Variants in DYNC2H1 observed in about 807,000 individuals in gnomAD.
DYNC2H1 encodes dynein cytoplasmic 2 heavy chain 1, also known as cytoplasmic dynein 2 heavy chain 1.
A neutral mutation model predicts 570.0 loss-of-function variants in DYNC2H1; 410 were observed. The ratio of observed to expected loss-of-function variants is 0.72; its 90% CI spans 0.66 to 0.78. The LOEUF (loss-of-function observed/expected upper bound fraction) is 0.78. DYNC2H1 is among the 30% of genes least tolerant of loss of function. DYNC2H1 has a pLI of 0.00. For synonymous variants in DYNC2H1, 1,688 were observed against 1,677.6 expected (o/e 1.01, Z -0.15); for missense variants, 4,865 against 5,046.4 (o/e 0.96, Z 1.09).
At chr11:103,430,183 A>T (rs1943836660) in intron 84 of DYNC2H1, among the ~76,000 whole-genome samples, 1 of 152,178 alleles carries the variant, frequency 6.6e-6, no homozygotes, top group Non-Finnish European at 1.5e-5. Flanking sequence ...TTTAAGGTTC[A>T]TACAATAAAC....
rs746460184 is a variant in DYNC2H1, at chr11:103,256,270, TTA to T, written c.10461+32_10461+33del. ...TTATTTCCTTCTTTGTAATTTCGTA[TTA>T]TGTTTTCTTGAACATTTAGGTTAAT... On this transcript the variant is annotated intron_variant, in intron 68 of 88. Coordinates refer to ENST00000375735, the MANE Select transcript of DYNC2H1 (RefSeq NM_001377.3). The surrounding 1 kb of genome is among the most constrained non-coding windows in gnomAD (Gnocchi z 4.0). 13 of 1,558,596 alleles carry T rather than the reference TTA, an allele frequency of 8.3e-6. No individual in the cohort carries two copies. The Admixed American group carries it at 2.5e-4, about 30-fold the overall frequency.
intron 13 of DYNC2H1, among the ~76,000 whole-genome samples, chr11:103,130,861 C>T (rs1859232392): frequency 6.6e-6 from 1 of 152,058 alleles, no homozygotes; most frequent in African/African-American, 2.4e-5. Flanking sequence ...TTAAAGGAGA[C>T]ATAGTAGTGG....
rs1862035781 is a variant in DYNC2H1 at position 103,185,659 on chromosome 11, C to T, written c.6634-583C>T. Among the ~76,000 whole-genome samples the T allele has an allele frequency of 6.6e-6, 1 of 151,950 alleles. No homozygotes were observed. Among genetic ancestry groups the T allele is most frequent in the South Asian group, 2.1e-4 (1 of 4,818 alleles). On this transcript the variant is annotated intron_variant, in intron 41 of 88. Transcript: ENST00000375735. The surrounding 1 kb of genome is among the most constrained non-coding windows in gnomAD (Gnocchi z 4.5). ...ATTTACTGCTTTCTCTATTCCGTCT[C>T]CCTTTCCATGGCTGTCCTGTTGCCT... is the stretch of plus-strand genomic sequence containing the variant.
chr11:103,291,930 A>AGTCT (rs1866617425), intron 75 of DYNC2H1, among the ~76,000 whole-genome samples: 1 of 151,754 alleles, frequency 6.6e-6, no homozygotes, highest in Non-Finnish European at 1.5e-5. Flanking sequence ...CTTCATTTTC[A>AGTCT]GTCTATATGA....
In DYNC2H1 at chr11:103,468,372, A is replaced by G. The variant is rs1306444219; in HGVS notation, c.12649-217A>G. 8.0e-6 allele frequency: 3 copies of G among 375,746 alleles called. No individual in the cohort carries two copies. The East Asian group carries it at 1.3e-4, about 16-fold the overall frequency. The allele number at this position is 375,746 out of a possible 1,614,324, so 23.3% of individuals were successfully genotyped here. A position where few individuals can be genotyped will look rare whatever the true frequency, so the allele number is the denominator to read the frequency against. ...GAGATTTATATGTAATTTCAAAAAT[A>G]TATTTGCTAAAAATGAGAAATCAGT... On this transcript the variant is annotated intron_variant, in intron 87 of 88. Coordinates refer to ENST00000375735, the MANE Select transcript of DYNC2H1 (RefSeq NM_001377.3).
chr11:103,175,792 G>C (rs1208459054), intron 36 of DYNC2H1, among the ~76,000 whole-genome samples: 1 of 152,140 alleles, frequency 6.6e-6, no homozygotes, highest in Non-Finnish European at 1.5e-5. Context: ...TTGAATCTTA[G>C]CTGTAATATT....
intron 60 of DYNC2H1, among the ~76,000 whole-genome samples, chr11:103,231,601 T>TTAC (rs386374718): frequency 2.0e-5 from 3 of 151,812 alleles, no homozygotes; most frequent in South Asian, 2.1e-4. Flanking sequence ...TTTTTGAATA[T>TTAC]TAGTTTTAAA....
chr11:103,417,590 C>T (rs1439580519), intron 84 of DYNC2H1, among the ~76,000 whole-genome samples: 1 of 151,964 alleles, frequency 6.6e-6, no homozygotes, highest in Admixed American at 6.6e-5. Context: ...AAAAATTGAT[C>T]CGTGTTGGCC....
At chr11:103,210,950 A>G (rs919730726) in intron 53 of DYNC2H1, among the ~76,000 whole-genome samples, 1 of 152,092 alleles carries the variant, frequency 6.6e-6, no homozygotes, top group African/African-American at 2.4e-5. Context: ...ATTTCATTTT[A>G]GAAACAAATA....
rs183985095 is a variant in DYNC2H1, at chr11:103,222,080, G to A, written c.9158G>A (p.Arg3053Gln). The A allele has an allele frequency of 8.4e-5, 136 of 1,610,222 alleles. No homozygotes were observed. In the African/African-American group the frequency reaches 1.4e-3, roughly 16 times the overall value. The change falls in exon 58 of 89, where the codon CGA (arginine) becomes CAA (glutamine). Residue 3053 changes from arginine to glutamine, a missense_variant. Arg to Gln is a conservative substitution (Grantham distance 43). Transcript: ENST00000375735. ...GAAGACATAGCAACCTTTGATGCCC[G>A]AAATATTTCAAAGGAAATAAGAGAG... ...VREDIATFDA[R>Q]NISKEIRESV...
intron 17 of DYNC2H1, among the ~76,000 whole-genome samples, chr11:103,141,915 GGT>G (rs1859959847): frequency 6.6e-6 from 1 of 152,172 alleles, no homozygotes; most frequent in Non-Finnish European, 1.5e-5. Context: ...GGCAATGGCG[GGT>G]GCCCCTCCCA....
chr11:103,136,112 C>T (rs1859526010), intron 17 of DYNC2H1, among the ~76,000 whole-genome samples, 164 bp downstream of exon 17: 1 of 151,708 alleles, frequency 6.6e-6, no homozygotes, highest in African/African-American at 2.4e-5. Flanking sequence ...TAGATTTATA[C>T]TTCAGAAGAG....
At chr11:103,344,364 T>A (rs1939631262) in intron 82 of DYNC2H1, among the ~76,000 whole-genome samples, 1 of 152,216 alleles carries the variant, frequency 6.6e-6, no homozygotes, top group Admixed American at 6.5e-5. Flanking sequence ...CCCCATCTAA[T>A]TCGGAATAAA....
chr11:103,173,319 T>G lies in DYNC2H1; in HGVS notation c.5558+14T>G. 6.7e-7 allele frequency: 1 copy of G among 1,484,532 alleles called. No individual in the cohort carries two copies. The highest frequency in any genetic ancestry group is 9.0e-7 in the Non-Finnish European group (1 of 1,114,274). The allele number at this position is 1,484,532 out of a possible 1,614,324, so 92.0% of individuals were successfully genotyped here. On this transcript the variant is annotated intron_variant, in intron 35 of 88. Transcript: ENST00000375735. ...CAATCTATCTAGGTGAGTTTTCTTGTTCTAAATATTTTTATATTTTACATT... is the reference window on the plus strand; with the variant it reads ...CAATCTATCTAGGTGAGTTTTCTTGGTCTAAATATTTTTATATTTTACATT...
intron 84 of DYNC2H1, among the ~76,000 whole-genome samples, chr11:103,408,551 G>T (rs373064109): frequency 6.6e-6 from 1 of 151,952 alleles, no homozygotes; most frequent in East Asian, 1.9e-4. Context: ...TTGTCCTTTC[G>T]TACTAGCAGA....
chr11:103,155,216 T>C (rs568633641), intron 24 of DYNC2H1, 115 bp from the exon 25 acceptor site: 4 of 967,968 alleles, frequency 4.1e-6, no homozygotes, highest in African/African-American at 1.7e-5. Context: ...AACAAGAAAA[T>C]GGAATAATTA....
chr11:103,310,257 T>C (rs1867513114), intron 78 of DYNC2H1, among the ~76,000 whole-genome samples: 1 of 152,104 alleles, frequency 6.6e-6, no homozygotes, highest in Non-Finnish European at 1.5e-5. Context: ...AATGCTGTCT[T>C]TAGATTTTTT....
intron 28 of DYNC2H1, among the ~76,000 whole-genome samples, chr11:103,159,566 A>G (rs1860992920): frequency 6.6e-6 from 1 of 152,064 alleles, no homozygotes; most frequent in Non-Finnish European, 1.5e-5. Flanking sequence ...CTTGGGGGAA[A>G]ACTGTAATGT....
chr11:103,361,618 AAGG>A (rs1372660299), intron 83 of DYNC2H1, among the ~76,000 whole-genome samples: 1 of 152,114 alleles, frequency 6.6e-6, no homozygotes, highest in Non-Finnish European at 1.5e-5. Flanking sequence ...GTGAGAAAGT[AAGG>A]AGAGCATTCA....
Sources: allele counts gnomAD v4.1 joint callset (sites outside exome capture counted in the v4.1 genomes callset), GRCh38; gene constraint gnomAD v4.1.1; non-coding constraint Gnocchi (gnomAD v3.1); transcripts MANE v1.5; gene names NCBI Gene and HGNC (gene_info 2026-07-23, HGNC 2026-07-21).